The following CUL5 variants were observed in gnomAD, a reference collection of about 807,000 sequenced individuals.
CUL5 encodes the protein cullin-5.
In CUL5, 26 loss-of-function variants were observed where a neutral mutation model predicts 108.8. The observed-to-expected ratio is 0.24, with a 90% CI of 0.18 to 0.33. The LOEUF is 0.33. Among genes scored for constraint, CUL5 ranks in the 10% least tolerant of loss-of-function variants. The pLI is 1.00. For missense variants in CUL5, 524 were observed against 909.2 expected, an observed-to-expected ratio of 0.58 and a Z score of 5.45; for synonymous variants, 334 against 298.0, an observed-to-expected ratio of 1.12 and a Z score of -1.25.
chr11:108,014,003 C>T (rs972474326), intron 1 of CUL5, among the ~76,000 whole-genome samples: 77 of 152,302 alleles, frequency 5.1e-4, no homozygotes, highest in African/African-American at 1.6e-3. Flanking sequence ...GAACAATGTC[C>T]ATGCTCTTTG....
Sources: allele counts gnomAD v4.1 joint callset (sites outside exome capture counted in the v4.1 genomes callset), GRCh38; gene constraint gnomAD v4.1.1; transcripts MANE v1.5; gene names NCBI Gene and HGNC (gene_info 2026-07-23, HGNC 2026-07-21).